The following SPOP variants were observed in gnomAD, a reference collection of about 807,000 sequenced individuals.
SPOP encodes the protein speckle-type POZ protein.
Under a neutral mutation model 45.6 loss-of-function variants are expected in SPOP, and 11 were observed. The ratio of observed to expected loss-of-function variants is 0.24; its 90% CI spans 0.15 to 0.40. The LOEUF is 0.40. Ranked by LOEUF, SPOP falls within the 10% of genes least tolerant of loss-of-function variation. The pLI, the probability that SPOP is intolerant of heterozygous loss-of-function variation, is 1.00. For synonymous variants in SPOP, 166 were observed against 166.3 expected, an observed-to-expected ratio of 1.00 and a Z score of 0.01; for missense variants, 152 against 465.6, an observed-to-expected ratio of 0.33 and a Z score of 6.20.
At chr17:49,657,173 G>A (rs2072924560) in intron 1 of SPOP, among the ~76,000 whole-genome samples, 1 of 151,548 alleles carries the variant, frequency 6.6e-6, no homozygotes, top group Admixed American at 6.6e-5. Context: ...TCCAGCCTGG[G>A]CGACAGAGCA....
chr17:49,633,251 T>C (rs1044576585), intron 1 of SPOP, among the ~76,000 whole-genome samples: 25 of 152,280 alleles, frequency 1.6e-4, no homozygotes, highest in African/African-American at 5.8e-4. Flanking sequence ...TATAATTTTA[T>C]AGAAATGCCT....
chr17:49,637,744 G>A (rs773646983), intron 1 of SPOP, among the ~76,000 whole-genome samples: 1 of 152,222 alleles, frequency 6.6e-6, no homozygotes, highest in South Asian at 2.1e-4. Context: ...AGAGATCACT[G>A]TTGCCAGCTC....
chr17:49,624,305 G>A (rs78288671), intron 1 of SPOP, among the ~76,000 whole-genome samples: 15,470 of 145,020 alleles, frequency 0.11, 984 homozygotes, highest in East Asian at 0.21. Flanking sequence ...CCACCTACGC[G>A]GGAACACACA....
intron 1 of SPOP, 95 bp from the exon 2 acceptor site, chr17:49,622,971 C>T: frequency 1.6e-6 from 1 of 617,774 alleles, no homozygotes; most frequent in Non-Finnish European, 2.8e-6. Flanking sequence ...ATTTTGTCTC[C>T]ACATTGTTTG....
intron 2 of SPOP, 139 bp downstream of exon 2, chr17:49,622,594 C>T: frequency 2.8e-6 from 2 of 715,508 alleles, no homozygotes; most frequent in South Asian, 3.6e-5. Flanking sequence ...CTGAGGCTAA[C>T]AAGTATCTTA....
chr17:49,670,137 T>C (rs1221840693), intron 1 of SPOP, among the ~76,000 whole-genome samples: 3 of 152,224 alleles, frequency 2.0e-5, no homozygotes, highest in Non-Finnish European at 4.4e-5. Flanking sequence ...AGCTCTGTCA[T>C]AGAGTACCTA....
intron 1 of SPOP, among the ~76,000 whole-genome samples, chr17:49,628,958 T>A (rs1371117253): frequency 6.6e-6 from 1 of 152,136 alleles, no homozygotes; most frequent in Non-Finnish European, 1.5e-5. Context: ...AATACTCTGA[T>A]GAAGGCCAGG....
At chr17:49,655,618 ATTAT>A (rs1467063217) in intron 1 of SPOP, among the ~76,000 whole-genome samples, 1 of 152,200 alleles carries the variant, frequency 6.6e-6, no homozygotes, top group Non-Finnish European at 1.5e-5. Context: ...AATAATAGTA[ATTAT>A]TTACGTAGCC....
intron 1 of SPOP, among the ~76,000 whole-genome samples, chr17:49,653,896 G>C (rs921668836): frequency 1.3e-5 from 2 of 151,628 alleles, no homozygotes; most frequent in Non-Finnish European, 2.9e-5. Flanking sequence ...TTTAAGTGTT[G>C]ATGCTTCCTT....
chr17:49,613,241 C>A (rs1238376977), intron 5 of SPOP, among the ~76,000 whole-genome samples: 1 of 150,556 alleles, frequency 6.6e-6, no homozygotes, highest in African/African-American at 2.5e-5. Context: ...GTAGAAGTTG[C>A]CTGTTCTCAG....
At chr17:49,602,076 T>G in intron 8 of SPOP, 69 bp from the exon 9 acceptor site, 1 of 1,566,864 alleles carries the variant, frequency 6.4e-7, no homozygotes, top group Admixed American at 1.8e-5. Flanking sequence ...TGAAGCTGTT[T>G]TCTTTAGCTG....
intron 1 of SPOP, among the ~76,000 whole-genome samples, chr17:49,662,718 G>A (rs2073005753): frequency 6.6e-6 from 1 of 151,730 alleles, no homozygotes; most frequent in African/African-American, 2.4e-5. Flanking sequence ...ATAATTCCTA[G>A]AAAAACATTT....
At chr17:49,655,074 T>C (rs961864957) in intron 1 of SPOP, among the ~76,000 whole-genome samples, 2 of 152,172 alleles carry the variant, frequency 1.3e-5, no homozygotes, top group African/African-American at 4.8e-5. Context: ...AAGGAGATAC[T>C]TAACATACAC....
intron 1 of SPOP, chr17:49,667,992 G>C (rs1173035318): frequency 6.6e-6 from 1 of 152,192 alleles, no homozygotes; most frequent in Non-Finnish European, 1.5e-5. Flanking sequence ...TCACAAAATA[G>C]ACAAACTCTG....
intron 1 of SPOP, among the ~76,000 whole-genome samples, chr17:49,657,066 T>A (rs1053493233): frequency 1.3e-5 from 2 of 151,856 alleles, no homozygotes; most frequent in South Asian, 2.1e-4. Context: ...GCGCCTGTAG[T>A]CCCAGCTACT....
intron 2 of SPOP, 79 bp downstream of exon 2, chr17:49,622,654 G>A: frequency 4.0e-6 from 5 of 1,254,724 alleles, no homozygotes; most frequent in Admixed American, 1.7e-5. Context: ...GAAGCCCAAT[G>A]TAGAAAAGCA....
At chr17:49,639,763 CAT>C (rs749617089) in intron 1 of SPOP, among the ~76,000 whole-genome samples, 27 of 152,220 alleles carry the variant, frequency 1.8e-4, no homozygotes, top group African/African-American at 4.3e-4. Context: ...GATTATCACA[CAT>C]GTCAGAAGAG....
chr17:49,677,953 T>A lies in SPOP; in HGVS notation c.-87A>T. The A allele has an allele frequency of 9.8e-6, 2 of 204,782 alleles. No homozygotes were observed. Among genetic ancestry groups the A allele is most frequent in the East Asian group, 1.9e-4 (2 of 10,392 alleles). The allele number at this position is 204,782 out of a possible 1,614,324, so 12.7% of individuals were successfully genotyped here. A position where few individuals can be genotyped will look rare whatever the true frequency, so the allele number is the denominator to read the frequency against. Reference sequence around the variant, plus strand: ...CTCACCTGAGAGCGGCGGCGACAGCTGCTGGTCCCCGTCCCCCTGCGCTTG... The same window carrying A: ...CTCACCTGAGAGCGGCGGCGACAGCAGCTGGTCCCCGTCCCCCTGCGCTTG... On this transcript the variant is annotated 5_prime_UTR_variant, in exon 1 of 10. Coordinates refer to ENST00000504102, the MANE Select transcript of SPOP (RefSeq NM_001007228.2).
In SPOP at chr17:49,600,656, T is replaced by C; in HGVS notation, c.981-134A>G. On this transcript the variant is annotated intron_variant, in intron 9 of 9. Transcript: ENST00000504102. This position sits in a 1 kb window ranked among gnomAD's most constrained non-coding sequence, Gnocchi z 4.2. ...GCAAGAAACAGAAGAACCCTTAATA[T>C]GCATAAGAATTTGCTTGTTAGACAA... 2 of 931,916 alleles carry C rather than the reference T, an allele frequency of 2.1e-6. No individual in the cohort carries two copies. The highest frequency in any genetic ancestry group is 3.2e-6 in the Non-Finnish European group (2 of 625,592). 57.7% of individuals were successfully genotyped at this position (931,916 alleles called of 1,614,324 possible).
Sources: gnomAD v4.1 joint callset for allele counts (sites outside exome capture counted in the v4.1 genomes callset) on GRCh38, gnomAD v4.1.1 for gene constraint, Gnocchi (gnomAD v3.1) non-coding constraint, MANE v1.5 for transcripts, NCBI Gene and HGNC (gene_info 2026-07-23, HGNC 2026-07-21) for gene names.